Variants in PACS2 observed in about 807,000 individuals in gnomAD.
The protein encoded by PACS2 is phosphofurin acidic cluster sorting protein 2, also known as PACS1-like protein.
A neutral mutation model predicts 113.0 loss-of-function variants in PACS2; 36 were observed. That is an observed-to-expected ratio of 0.32 (90% confidence interval 0.24 to 0.42). The LOEUF (loss-of-function observed/expected upper bound fraction) is 0.42. Ranked by LOEUF, PACS2 falls within the 10% of genes least tolerant of loss-of-function variation. The pLI is 1.00. For missense variants in PACS2, 1,015 were observed against 1,239.5 expected, an observed-to-expected ratio of 0.82 and a Z score of 2.72; for synonymous variants, 589 against 536.1, an observed-to-expected ratio of 1.10 and a Z score of -1.36.
At chr14:105,371,101 G>A (rs1465397938) in intron 8 of PACS2, 1 of 152,258 alleles carries the variant, frequency 6.6e-6, no homozygotes, top group Admixed American at 6.5e-5. Context: ...GGCCCGGTGG[G>A]GCAGGCAGCA....
chr14:105,362,687 C>T (rs2141107977), intron 4 of PACS2, among the ~76,000 whole-genome samples: 1 of 151,630 alleles, frequency 6.6e-6, no homozygotes, highest in Admixed American at 6.6e-5. Context: ...GCCATCTCTG[C>T]TAAAAATATA....
intron 1 of PACS2, among the ~76,000 whole-genome samples, chr14:105,337,917 C>T (rs1555400868): frequency 6.6e-6 from 1 of 152,252 alleles, no homozygotes; most frequent in Non-Finnish European, 1.5e-5. Flanking sequence ...CCCACATGTG[C>T]ACCCCCAGGG....
Position 105,355,299 on chromosome 14 carries a change from G to A in PACS2, c.423+122G>A. On this transcript the variant is annotated intron_variant, in intron 4 of 24. Coordinates refer to ENST00000447393, the MANE Select transcript of PACS2 (RefSeq NM_001100913.3). The surrounding 1 kb of genome is among the most constrained non-coding windows in gnomAD (Gnocchi z 4.1). Reference sequence around the variant, plus strand: ...TGTCCAGGGATCAGGTGAAAATGATGAGAGGAGCCTGGGCGGCCGGGCTCC... The same window carrying A: ...TGTCCAGGGATCAGGTGAAAATGATAAGAGGAGCCTGGGCGGCCGGGCTCC... 8.1e-7 allele frequency: 1 copy of A among 1,228,950 alleles called. No individual in the cohort carries two copies. Among genetic ancestry groups the A allele is most frequent in the Non-Finnish European group, 1.1e-6 (1 of 902,618 alleles). 76.1% of individuals were successfully genotyped at this position (1,228,950 alleles called of 1,614,324 possible). A position where few individuals can be genotyped will look rare whatever the true frequency, so the allele number is the denominator to read the frequency against.
chr14:105,368,217 C>A, intron 6 of PACS2, 70 bp downstream of exon 6: 2 of 1,094,280 alleles, frequency 1.8e-6, no homozygotes, highest in Non-Finnish European at 2.7e-6. Context: ...GTGGGGTCCT[C>A]ACCAGCTGTC....
chr14:105,340,254 T>C lies in PACS2; in HGVS notation c.120-8239T>C, dbSNP rs587752474. ...CATCTGTGGGGAAAGGATATACTTCTGGGTAAATGGTTTGGTGATAACTGA... is the reference window on the plus strand; with the variant it reads ...CATCTGTGGGGAAAGGATATACTTCCGGGTAAATGGTTTGGTGATAACTGA... On this transcript the variant is annotated intron_variant, in intron 1 of 24. Transcript: ENST00000447393. This position sits in a 1 kb window ranked among gnomAD's most constrained non-coding sequence, Gnocchi z 4.2. Among the ~76,000 whole-genome samples the C allele has an allele frequency of 6.6e-6, 1 of 152,348 alleles. No homozygotes were observed.
chr14:105,369,512 T>A (rs587707861), intron 7 of PACS2, among the ~76,000 whole-genome samples: 2 of 152,276 alleles, frequency 1.3e-5, no homozygotes, highest in East Asian at 1.9e-4. Context: ...CCCAGCACCT[T>A]CCTTCTGGGG....
At position 105,381,004 on chromosome 14, in the gene PACS2, C is replaced by G. The variant is rs200671786; in HGVS notation, c.1173C>G (p.Pro391=). The G allele has an allele frequency of 1.1e-5, 17 of 1,612,376 alleles. No homozygotes were observed. The highest frequency in any genetic ancestry group is 1.4e-5 in the Non-Finnish European group (16 of 1,179,584). ...REHPGQPEDS[P]EAEASTLDVF... ...ACCCTGGACAGCCTGAGGACAGCCC[C>G]GAGGCTGAGGCCTCCACCCTGGATG... is the stretch of plus-strand genomic sequence containing the variant. The change falls in exon 12 of 25, where the codon CCC becomes CCG. Residue 391 remains proline, a synonymous_variant. Transcript: ENST00000447393.
At chr14:105,319,299 T>C (rs587650013) in intron 1 of PACS2, among the ~76,000 whole-genome samples, 20 of 152,370 alleles carry the variant, frequency 1.3e-4, no homozygotes, top group African/African-American at 4.1e-4. Context: ...TAATTGGAAG[T>C]TCTTTAACTC....
chr14:105,365,232 G>A lies in PACS2; in HGVS notation c.424-1981G>A, dbSNP rs141739092. ...CCACAGTCCAGGACAGTGACCTGCC[G>A]GCCAGCATCACCCCAGGGGAGTGCC... is the stretch of plus-strand genomic sequence containing the variant. On this transcript the variant is annotated intron_variant, in intron 4 of 24. Transcript: ENST00000447393. This position sits in a 1 kb window ranked among gnomAD's most constrained non-coding sequence, Gnocchi z 5.1. Among the ~76,000 whole-genome samples the A allele has an allele frequency of 4.6e-5, 7 of 152,274 alleles. No individual in the cohort carries two copies. Among genetic ancestry groups the A allele is most frequent in the Non-Finnish European group, 7.4e-5 (5 of 68,002 alleles).
At chr14:105,346,985 C>T (rs1274709227) in intron 1 of PACS2, among the ~76,000 whole-genome samples, 1 of 37,442 alleles carries the variant, frequency 2.7e-5, no homozygotes, top group Non-Finnish European at 5.1e-5. Flanking sequence ...ATGGCTCCCC[C>T]ACCTCTGCCC....
rs2060532515 is a variant in PACS2 at position 105,358,279 on chromosome 14, C to A, written c.423+3102C>A. On this transcript the variant is annotated intron_variant, in intron 4 of 24. Coordinates refer to ENST00000447393, the MANE Select transcript of PACS2 (RefSeq NM_001100913.3). The surrounding 1 kb of genome is among the most constrained non-coding windows in gnomAD (Gnocchi z 4.9). ...GGGGTGGCTTAGGTCTGCAGGCTGA[C>A]CAGCAGTTCTGGCTGGGACCATCAG... is the stretch of plus-strand genomic sequence containing the variant. Among the ~76,000 whole-genome samples, 1 of 152,202 alleles carries A rather than the reference C, an allele frequency of 6.6e-6. No homozygotes were observed. Among genetic ancestry groups the A allele is most frequent in the African/African-American group, 2.4e-5 (1 of 41,452 alleles).
chr14:105,366,886 G>A lies in PACS2; in HGVS notation c.424-327G>A, dbSNP rs1373938797. On this transcript the variant is annotated intron_variant, in intron 4 of 24. Transcript: ENST00000447393. This position sits in a 1 kb window ranked among gnomAD's most constrained non-coding sequence, Gnocchi z 4.3. ...AGGAGGGCCGCGGACACCCCTGTCT[G>A]TCCATCTCAGTCCCTCGTGACTGTG... 6.6e-6 allele frequency among the ~76,000 whole-genome samples: 1 copy of A among 152,196 alleles called. No homozygotes were observed. Among genetic ancestry groups the A allele is most frequent in the Non-Finnish European group, 1.5e-5 (1 of 68,032 alleles).
chr14:105,375,751 A>G (rs1406357564), intron 8 of PACS2, among the ~76,000 whole-genome samples: 1 of 152,218 alleles, frequency 6.6e-6, no homozygotes, highest in Non-Finnish European at 1.5e-5. Flanking sequence ...CCAGACACCC[A>G]GCACCCCTGT....
intron 1 of PACS2, among the ~76,000 whole-genome samples, chr14:105,343,610 A>G (rs948766258): frequency 6.6e-5 from 10 of 151,904 alleles, no homozygotes; most frequent in Non-Finnish European, 1.2e-4. Context: ...CATTTCCCTA[A>G]TAACTAATAA....
At chr14:105,343,864 T>G (rs916039685) in intron 1 of PACS2, among the ~76,000 whole-genome samples, 2 of 151,936 alleles carry the variant, frequency 1.3e-5, no homozygotes, top group Non-Finnish European at 2.9e-5. Flanking sequence ...TATTAGGTTG[T>G]TTGTTTTCAT....
chr14:105,362,806 G>A (rs914203352), intron 4 of PACS2, among the ~76,000 whole-genome samples: 6 of 152,140 alleles, frequency 3.9e-5, no homozygotes, highest in Admixed American at 1.3e-4. Flanking sequence ...AGCCAAGATC[G>A]CGTCATTGCA....
rs1235028727 is a variant in PACS2, at chr14:105,355,495, G to A, written c.423+318G>A. Among the ~76,000 whole-genome samples the A allele has an allele frequency of 6.6e-6, 1 of 152,236 alleles. No homozygotes were observed. Among genetic ancestry groups the A allele is most frequent in the Non-Finnish European group, 1.5e-5 (1 of 68,038 alleles). On this transcript the variant is annotated intron_variant, in intron 4 of 24. Transcript: ENST00000447393. This position sits in a 1 kb window ranked among gnomAD's most constrained non-coding sequence, Gnocchi z 4.1. ...CAGGCTGCTCTGGAGTCCTTCCCAT[G>A]GAGGAATCGCTGCTGTCCCCACACC...
intron 12 of PACS2, among the ~76,000 whole-genome samples, chr14:105,381,540 A>G (rs7158718): frequency 0.049 from 7,535 of 152,352 alleles, 641 homozygotes; most frequent in African/African-American, 0.17. Context: ...CTTTGGAGCC[A>G]GGTCGCCCTG....
intron 3 of PACS2, among the ~76,000 whole-genome samples, chr14:105,353,593 C>A (rs782299674): frequency 6.6e-6 from 1 of 151,594 alleles, no homozygotes; most frequent in African/African-American, 2.4e-5. Context: ...TTTGTTTTTT[C>A]TTTGTTTTTT....
Sources: gnomAD v4.1 joint callset for allele counts (sites outside exome capture counted in the v4.1 genomes callset) on GRCh38, gnomAD v4.1.1 for gene constraint, Gnocchi (gnomAD v3.1) non-coding constraint, MANE v1.5 for transcripts, NCBI Gene and HGNC (gene_info 2026-07-23, HGNC 2026-07-21) for gene names.